Variants in ADGRL3 observed in about 807,000 individuals in gnomAD.
The protein encoded by ADGRL3 is calcium-independent alpha-latrotoxin receptor 3.
In ADGRL3, 62 loss-of-function variants were observed where a neutral mutation model predicts 153.5. The ratio of observed to expected loss-of-function variants is 0.40; its 90% CI spans 0.33 to 0.50. ADGRL3 has a LOEUF of 0.50. Ranked by LOEUF, ADGRL3 falls within the 20% of genes least tolerant of loss-of-function variation. The pLI is 0.47. For missense variants in ADGRL3, 1,641 were observed against 1,859.4 expected (o/e 0.88, Z 2.16); for synonymous variants, 710 against 672.5 (o/e 1.06, Z -0.86).
At chr4:61,815,708 T>C (rs766613539) in intron 9 of ADGRL3, among the ~76,000 whole-genome samples, 2 of 152,232 alleles carry the variant, frequency 1.3e-5, no homozygotes, top group Non-Finnish European at 2.9e-5. Context: ...ATTTAGGAGA[T>C]GATTACGGCA....
chr4:61,630,865 C>A (rs906107435), intron 5 of ADGRL3, among the ~76,000 whole-genome samples: 2 of 152,134 alleles, frequency 1.3e-5, no homozygotes, highest in African/African-American at 4.8e-5. Flanking sequence ...TTAGAAGATA[C>A]CATAGCAGTC....
chr4:62,029,679 A>T (rs894287924), intron 22 of ADGRL3, among the ~76,000 whole-genome samples: 1 of 146,012 alleles, frequency 6.8e-6, no homozygotes, highest in Non-Finnish European at 1.5e-5. Flanking sequence ...TCACTTCTTC[A>T]TGCTTCTGCT....
intron 9 of ADGRL3, among the ~76,000 whole-genome samples, chr4:61,836,060 C>T (rs73823250): frequency 0.034 from 5,159 of 152,178 alleles, 134 homozygotes; most frequent in East Asian, 0.11. Context: ...AACAAGACAG[C>T]GAGATTTTAT....
chr4:61,644,018 G>A (rs1286864229), intron 5 of ADGRL3, among the ~76,000 whole-genome samples: 2 of 6,418 alleles, frequency 3.1e-4, no homozygotes, highest in Admixed American at 2.2e-3. Context: ...TTAGTCTTGG[G>A]AGAGTGTATG....
intron 8 of ADGRL3, among the ~76,000 whole-genome samples, chr4:61,744,801 A>G (rs2151960592): frequency 6.6e-6 from 1 of 152,368 alleles, no homozygotes. Context: ...TCTAAAAAGC[A>G]GAGCACCTCT....
chr4:61,529,752 A>C (rs2098600842), intron 4 of ADGRL3, among the ~76,000 whole-genome samples: 1 of 152,152 alleles, frequency 6.6e-6, no homozygotes, highest in Non-Finnish European at 1.5e-5. Context: ...ATGGTTCTAA[A>C]TGCAAGTTTA....
chr4:61,600,800 A>G (rs2099008497), intron 5 of ADGRL3, among the ~76,000 whole-genome samples: 1 of 152,168 alleles, frequency 6.6e-6, no homozygotes, highest in South Asian at 2.1e-4. Context: ...ATCTTTCTTT[A>G]TTATGCCTTT....
At position 62,044,494 on chromosome 4, in the gene ADGRL3, G is replaced by A. The variant is rs761797530; in HGVS notation, c.3759G>A (p.Gln1253=). The A allele has an allele frequency of 5.6e-6, 9 of 1,598,710 alleles. No individual in the cohort carries two copies. Among genetic ancestry groups the A allele is most frequent in the Non-Finnish European group, 7.7e-6 (9 of 1,172,286 alleles). Residue 1253 remains glutamine, a synonymous_variant, in exon 25 of 27, where the codon CAG becomes CAA. Coordinates refer to ENST00000683033, the MANE Select transcript of ADGRL3 (RefSeq NM_001387552.1). ...RRMWNDTVRK[Q]SESSFITGDI... ...TGTGGAATGACACGGTTCGAAAGCA[G>A]TCAGAGTCTTCCTTTATTACTGGAG...
At chr4:61,713,934 A>C (rs891185179) in intron 6 of ADGRL3, among the ~76,000 whole-genome samples, 1 of 152,176 alleles carries the variant, frequency 6.6e-6, no homozygotes, top group Non-Finnish European at 1.5e-5. Context: ...CTCAGGATTC[A>C]TGGTCTAGGT....
At chr4:61,979,394 C>G (rs565137105) in intron 17 of ADGRL3, among the ~76,000 whole-genome samples, 169 bp from the exon 18 acceptor site, 1 of 152,274 alleles carries the variant, frequency 6.6e-6, no homozygotes, top group African/African-American at 2.4e-5. Context: ...AGACAAAATG[C>G]TTTATCTGTG....
At chr4:61,268,574 A>G (rs1253027212) in intron 1 of ADGRL3, among the ~76,000 whole-genome samples, 1 of 151,620 alleles carries the variant, frequency 6.6e-6, no homozygotes, top group African/African-American at 2.4e-5. Context: ...GAAATGATCT[A>G]TGAAATATTT....
At chr4:61,819,467 G>A (rs2097726431) in intron 9 of ADGRL3, among the ~76,000 whole-genome samples, 1 of 151,938 alleles carries the variant, frequency 6.6e-6, no homozygotes, top group Admixed American at 6.6e-5. Flanking sequence ...ATTCACCCAT[G>A]ACTCTCTACA....
chr4:61,748,994 G>C (rs1454145643), intron 8 of ADGRL3, among the ~76,000 whole-genome samples: 1 of 151,382 alleles, frequency 6.6e-6, no homozygotes, highest in Non-Finnish European at 1.5e-5. Context: ...AATCTACAAT[G>C]AACTCAAACA....
intron 1 of ADGRL3, among the ~76,000 whole-genome samples, chr4:61,220,428 C>T (rs1243426534): frequency 6.6e-6 from 1 of 152,078 alleles, no homozygotes; most frequent in Non-Finnish European, 1.5e-5. Flanking sequence ...CTTTGGGTCA[C>T]TTCCTAAGTA....
chr4:61,856,950 C>CTTT, intron 9 of ADGRL3, among the ~76,000 whole-genome samples: 1 of 56,970 alleles, frequency 1.8e-5, no homozygotes, highest in South Asian at 6.9e-4. Context: ...CTTTCTTCTT[C>CTTT]TCTTTCTTTC....
At chr4:61,853,345 CA>C (rs1158084290) in intron 9 of ADGRL3, among the ~76,000 whole-genome samples, 23 of 152,234 alleles carry the variant, frequency 1.5e-4, no homozygotes, top group African/African-American at 5.5e-4. Flanking sequence ...GGCTGAAGAA[CA>C]AATATGTTTT....
At chr4:61,719,394 T>A (rs1204726177) in intron 6 of ADGRL3, among the ~76,000 whole-genome samples, 1 of 152,162 alleles carries the variant, frequency 6.6e-6, no homozygotes, top group Non-Finnish European at 1.5e-5. Flanking sequence ...ATGAACACAC[T>A]GTGATGGTCA....
intron 9 of ADGRL3, among the ~76,000 whole-genome samples, chr4:61,822,008 C>G (rs989592388): frequency 5.3e-5 from 8 of 152,152 alleles, no homozygotes; most frequent in Non-Finnish European, 8.8e-5. Flanking sequence ...TCACATCTGG[C>G]ATTCTCCTTG....
chr4:61,400,350 G>A (rs1209556657), intron 2 of ADGRL3, among the ~76,000 whole-genome samples: 1 of 151,632 alleles, frequency 6.6e-6, no homozygotes, highest in Non-Finnish European at 1.5e-5. Context: ...TTGAACAAAC[G>A]AGTAAAATAA....
Sources: allele counts gnomAD v4.1 joint callset (sites outside exome capture counted in the v4.1 genomes callset), GRCh38; gene constraint gnomAD v4.1.1; transcripts MANE v1.5; gene names NCBI Gene and HGNC (gene_info 2026-07-23, HGNC 2026-07-21).